Variants in CNTN5 observed in about 807,000 individuals in gnomAD.
The protein encoded by CNTN5 is contactin-5.
Under a neutral mutation model 129.1 loss-of-function variants are expected in CNTN5, and 77 were observed. The observed-to-expected ratio is 0.60, with a 90% CI of 0.50 to 0.72. The LOEUF (loss-of-function observed/expected upper bound fraction) is 0.72, where lower values mean the gene tolerates loss of function less well. Ranked by LOEUF, CNTN5 falls within the 30% of genes least tolerant of loss-of-function variation. The pLI, the probability that CNTN5 is intolerant of heterozygous loss-of-function variation, is 0.00. For missense variants in CNTN5, 1,478 were observed against 1,328.8 expected (o/e 1.11, Z -1.75); for synonymous variants, 509 against 465.6 (o/e 1.09, Z -1.20).
intron 1 of CNTN5, among the ~76,000 whole-genome samples, chr11:99,022,606 A>T (rs538474062): frequency 6.6e-6 from 1 of 152,322 alleles, no homozygotes; most frequent in East Asian, 1.9e-4. Context: ...GGTATGAGTA[A>T]GAATATGTCA....
At chr11:100,262,766 G>A (rs2138752973) in intron 17 of CNTN5, among the ~76,000 whole-genome samples, 1 of 152,156 alleles carries the variant, frequency 6.6e-6, no homozygotes, top group Non-Finnish European at 1.5e-5. Flanking sequence ...AGGGAGGGGA[G>A]CATTACACAC....
intron 15 of CNTN5, among the ~76,000 whole-genome samples, chr11:100,197,676 T>G (rs187138863): frequency 2.0e-5 from 3 of 152,116 alleles, no homozygotes; most frequent in African/African-American, 4.8e-5. Flanking sequence ...TCCAGTGACT[T>G]GAAGTCCTCT....
At chr11:99,254,801 T>G (rs1044867809) in intron 1 of CNTN5, among the ~76,000 whole-genome samples, 30 of 152,018 alleles carry the variant, frequency 2.0e-4, no homozygotes, top group African/African-American at 6.3e-4. Flanking sequence ...TCATAAATTT[T>G]TCTCATGTTA....
intron 8 of CNTN5, among the ~76,000 whole-genome samples, chr11:100,000,603 C>T (rs1939797544): frequency 6.6e-6 from 1 of 152,104 alleles, no homozygotes; most frequent in Non-Finnish European, 1.5e-5. Context: ...AGGATGGTGG[C>T]CATATTCTTA....
At chr11:99,572,998 T>A (rs1949225219) in intron 3 of CNTN5, among the ~76,000 whole-genome samples, 1 of 152,176 alleles carries the variant, frequency 6.6e-6, no homozygotes, top group Admixed American at 6.5e-5. Flanking sequence ...AAGGGGACTA[T>A]TTTTAAATTT....
chr11:99,824,722 A>G (rs1946900831), intron 4 of CNTN5, among the ~76,000 whole-genome samples: 1 of 151,940 alleles, frequency 6.6e-6, no homozygotes, highest in Non-Finnish European at 1.5e-5. Flanking sequence ...AGGTGTTTAA[A>G]CCACATGAAA....
chr11:99,873,017 A>C (rs1804489726), intron 6 of CNTN5, among the ~76,000 whole-genome samples: 1 of 152,068 alleles, frequency 6.6e-6, no homozygotes, highest in Non-Finnish European at 1.5e-5. Context: ...TACCCTTATA[A>C]ATGTAATACA....
chr11:99,122,874 T>A (rs955974296), intron 1 of CNTN5, among the ~76,000 whole-genome samples: 2 of 152,082 alleles, frequency 1.3e-5, no homozygotes, highest in African/African-American at 4.8e-5. Flanking sequence ...AAGGACATGG[T>A]CTCTTTCTTT....
At chr11:99,162,810 TA>T (rs1314339931) in intron 1 of CNTN5, among the ~76,000 whole-genome samples, 1 of 152,206 alleles carries the variant, frequency 6.6e-6, no homozygotes, top group Non-Finnish European at 1.5e-5. Flanking sequence ...TTTACCTTGA[TA>T]CTGTATAAAT....
chr11:99,450,182 G>T (rs1944241172), intron 2 of CNTN5, among the ~76,000 whole-genome samples: 1 of 151,320 alleles, frequency 6.6e-6, no homozygotes, highest in South Asian at 2.1e-4. Context: ...AGAAAATGAA[G>T]ATTTTTCAGT....
At chr11:99,950,333 T>A (rs1950643153) in intron 7 of CNTN5, among the ~76,000 whole-genome samples, 1 of 151,948 alleles carries the variant, frequency 6.6e-6, no homozygotes, top group Admixed American at 6.6e-5. Flanking sequence ...AAAAAAAAAT[T>A]AGCCAGGTGT....
chr11:99,037,561 CTTCTTTTTTCTT>C (rs1440588086), intron 1 of CNTN5, among the ~76,000 whole-genome samples: 4 of 145,990 alleles, frequency 2.7e-5, no homozygotes, highest in South Asian at 2.2e-4. Context: ...CATATTTTTC[CTTCTTTTTTCTT>C]TTCTTTTTTT....
intron 13 of CNTN5, among the ~76,000 whole-genome samples, chr11:100,177,425 T>A (rs1303031455): frequency 6.6e-6 from 1 of 152,112 alleles, no homozygotes; most frequent in Admixed American, 6.6e-5. Context: ...GGGTAGGAAC[T>A]GGGTCATATT....
intron 1 of CNTN5, among the ~76,000 whole-genome samples, chr11:99,320,726 A>G (rs755207413): frequency 3.3e-5 from 5 of 152,224 alleles, no homozygotes; most frequent in Non-Finnish European, 7.3e-5. Flanking sequence ...AGAATAAAAT[A>G]GGGCAAATGT....
At chr11:100,268,755 T>G (rs570581709) in intron 17 of CNTN5, among the ~76,000 whole-genome samples, 2 of 152,194 alleles carry the variant, frequency 1.3e-5, no homozygotes, top group East Asian at 3.9e-4. Context: ...GATATCAACA[T>G]AGTTTGAAGT....
chr11:100,298,849 A>G (rs1591491656), intron 19 of CNTN5, among the ~76,000 whole-genome samples: 1 of 151,368 alleles, frequency 6.6e-6, no homozygotes, highest in Non-Finnish European at 1.5e-5. Context: ...TTTCCCCAAC[A>G]TGTTAATCCA....
chr11:99,636,938 A>G (rs191927848), intron 3 of CNTN5, among the ~76,000 whole-genome samples: 8,181 of 45,146 alleles, frequency 0.18, 888 homozygotes, highest in Middle Eastern at 0.26. Context: ...ACTTGAGCCC[A>G]GGAGGCAGAG....
chr11:99,289,969 A>G (rs904625825), intron 1 of CNTN5, among the ~76,000 whole-genome samples: 5 of 151,786 alleles, frequency 3.3e-5, no homozygotes, highest in African/African-American at 1.2e-4. Context: ...TAAAATACAA[A>G]TGCTTCTCTA....
chr11:99,760,361 T>C (rs1256651931), intron 3 of CNTN5, among the ~76,000 whole-genome samples: 2 of 152,038 alleles, frequency 1.3e-5, no homozygotes, highest in Non-Finnish European at 2.9e-5. Flanking sequence ...ACAAGCTAGG[T>C]TACTTTACCT....
Sources: allele counts gnomAD v4.1 joint callset (sites outside exome capture counted in the v4.1 genomes callset), GRCh38; gene constraint gnomAD v4.1.1; transcripts MANE v1.5; gene names NCBI Gene and HGNC (gene_info 2026-07-23, HGNC 2026-07-21).